The following BCR variants were observed in gnomAD, a reference collection of about 807,000 sequenced individuals.
The protein encoded by BCR is breakpoint cluster region protein.
In BCR, 58 loss-of-function variants were observed where a neutral mutation model predicts 138.6. That is an observed-to-expected ratio of 0.42 (90% CI 0.34 to 0.52). BCR has a LOEUF of 0.52. Among genes scored for constraint, BCR ranks in the 20% least tolerant of loss-of-function variants. BCR has a pLI of 0.06. For missense variants in BCR, 1,599 were observed against 1,727.2 expected (o/e 0.93, Z 1.32); for synonymous variants, 786 against 730.1 (o/e 1.08, Z -1.23).
chr22:23,261,325 C>A, intron 3 of BCR, 30 bp from the exon 4 acceptor site: 1 of 1,599,060 alleles, frequency 6.3e-7, no homozygotes, highest in South Asian at 1.1e-5. Flanking sequence ...CCCCTCTCAC[C>A]TGTGCTACCT....
chr22:23,314,990 CA>C (rs1353023085), intron 22 of BCR, among the ~76,000 whole-genome samples: 1 of 152,176 alleles, frequency 6.6e-6, no homozygotes, highest in Admixed American at 6.5e-5. Flanking sequence ...TTTGGGAGGC[CA>C]AGGCAGGATA....
At chr22:23,261,175 G>A in intron 3 of BCR, 121 bp downstream of exon 3, 1 of 1,231,142 alleles carries the variant, frequency 8.1e-7, no homozygotes, top group Non-Finnish European at 1.2e-6. Context: ...GCCATCCCTG[G>A]AGTGGATACC....
chr22:23,301,868 A>C (rs953486040), intron 16 of BCR, among the ~76,000 whole-genome samples: 2 of 152,200 alleles, frequency 1.3e-5, no homozygotes, highest in Non-Finnish European at 2.9e-5. Flanking sequence ...CAAATGGCTC[A>C]TTCAGGCTCG....
chr22:23,263,481 C>T, intron 4 of BCR: 1 of 1,537,110 alleles, frequency 6.5e-7, no homozygotes, highest in Non-Finnish European at 9.0e-7. Flanking sequence ...CAGTCAGATG[C>T]CCTGGATGCA....
Position 23,314,487 on chromosome 22 carries a change from C to T in BCR, c.3564-65C>T, listed in dbSNP as rs1353636883. On this transcript the variant is annotated intron_variant, in intron 21 of 22. Coordinates refer to ENST00000305877, the MANE Select transcript of BCR (RefSeq NM_004327.4). Reference sequence around the variant, plus strand: ...CCTTCCTGAGAACTCCAGCACAGCCCAGCCCCTCTGCCTCTCTCCTGGGGG... The same window carrying T: ...CCTTCCTGAGAACTCCAGCACAGCCTAGCCCCTCTGCCTCTCTCCTGGGGG... 5.1e-5 allele frequency: 81 copies of T among 1,580,830 alleles called. No individual in the cohort carries two copies. The Middle Eastern group carries it at 1.6e-3, about 31-fold the overall frequency.
At chr22:23,218,898 G>A (rs934776413) in intron 1 of BCR, among the ~76,000 whole-genome samples, 3 of 152,226 alleles carry the variant, frequency 2.0e-5, no homozygotes, top group African/African-American at 7.2e-5. Context: ...TCATTAAGAG[G>A]CCCCTTGCCG....
Position 23,209,100 on chromosome 22 carries a change from C to T in BCR, c.1279+26861C>T, listed in dbSNP as rs192976973. On this transcript the variant is annotated intron_variant, in intron 1 of 22. Transcript: ENST00000305877. The stretch of plus-strand genomic sequence containing the variant: ...TTTAGCCGGGCGCGGTGGCTCACGC[C>T]TGTAATCCCAGCACTTTGGTAGGCC... Among the ~76,000 whole-genome samples the T allele has an allele frequency of 3.0e-3, 454 of 152,272 alleles. 2 individuals carry two copies. The highest frequency in any genetic ancestry group is 0.028 in the South Asian group (136 of 4,826).
chr22:23,300,853 CA>C (rs2073895281), intron 16 of BCR, among the ~76,000 whole-genome samples: 1 of 152,158 alleles, frequency 6.6e-6, no homozygotes, highest in African/African-American at 2.4e-5. Flanking sequence ...AAAACATTGG[CA>C]ACAACAAAAA....
chr22:23,274,341 T>C (rs964951922), intron 8 of BCR, among the ~76,000 whole-genome samples: 7 of 152,232 alleles, frequency 4.6e-5, no homozygotes, highest in African/African-American at 7.2e-5. Context: ...ACATCATCGA[T>C]GAGCAGGCAT....
chr22:23,279,133 A>G (rs945048130), intron 8 of BCR, among the ~76,000 whole-genome samples: 4 of 152,220 alleles, frequency 2.6e-5, no homozygotes, highest in Non-Finnish European at 5.9e-5. Flanking sequence ...CTTGGCACCC[A>G]GAAAGAGCTC....
At chr22:23,263,062 A>G in intron 4 of BCR, 1 of 722,172 alleles carries the variant, frequency 1.4e-6, no homozygotes, top group Non-Finnish European at 2.2e-6. Context: ...AGGCGGCGGG[A>G]GGGCGCCAGG....
Position 23,283,959 on chromosome 22 carries a change from C to T in BCR, c.2116-18C>T, listed in dbSNP as rs1354676792. ...CACCCCAGGCTGGCCCTGACCCCAGCCTTCCCTGTGCCTGCAGCACCGGCA... is the reference window on the plus strand; with the variant it reads ...CACCCCAGGCTGGCCCTGACCCCAGTCTTCCCTGTGCCTGCAGCACCGGCA... On this transcript the variant is annotated intron_variant, in intron 8 of 22. Transcript: ENST00000305877. 2 of 1,579,484 alleles carry T rather than the reference C, an allele frequency of 1.3e-6. No individual in the cohort carries two copies. The highest frequency in any genetic ancestry group is 8.6e-7 in the Non-Finnish European group (1 of 1,162,290).
chr22:23,249,130 T>G (rs548718880), intron 1 of BCR, among the ~76,000 whole-genome samples: 1 of 151,978 alleles, frequency 6.6e-6, no homozygotes, highest in South Asian at 2.1e-4. Flanking sequence ...AAAAATGTTT[T>G]TAAAAATTAG....
intron 1 of BCR, among the ~76,000 whole-genome samples, chr22:23,193,007 CAG>C (rs909399998): frequency 1.3e-5 from 2 of 151,972 alleles, no homozygotes; most frequent in African/African-American, 4.8e-5. Context: ...GCAGCAGCCA[CAG>C]AGAGAGAGAG....
chr22:23,273,967 A>G (rs1403508520), intron 8 of BCR, among the ~76,000 whole-genome samples, 193 bp downstream of exon 8: 1 of 152,110 alleles, frequency 6.6e-6, no homozygotes, highest in African/African-American at 2.4e-5. Flanking sequence ...CCCTGCAAGC[A>G]CCATGCCCTC....
chr22:23,271,305 G>C (rs549845854), intron 5 of BCR, among the ~76,000 whole-genome samples: 8 of 152,366 alleles, frequency 5.3e-5, no homozygotes, highest in Admixed American at 5.2e-4. Flanking sequence ...TGTCAACAGT[G>C]ACCTGGCTGA....
intron 1 of BCR, among the ~76,000 whole-genome samples, chr22:23,182,871 C>G (rs2072289789): frequency 6.6e-6 from 1 of 152,156 alleles, no homozygotes. Context: ...AGTGGGCCAC[C>G]GAAAATCAAC....
chr22:23,263,571 A>G (rs1213787901), intron 4 of BCR: 1 of 1,565,170 alleles, frequency 6.4e-7, no homozygotes, highest in Non-Finnish European at 8.8e-7. Flanking sequence ...TGCCAGCTTG[A>G]ACCGTCAGCC....
At chr22:23,270,157 G>A (rs2073493679) in intron 5 of BCR, among the ~76,000 whole-genome samples, 1 of 152,152 alleles carries the variant, frequency 6.6e-6, no homozygotes, top group African/African-American at 2.4e-5. Flanking sequence ...GGTGTTGGGG[G>A]GTCAGTGCTC....
Sources: gnomAD v4.1 joint callset for allele counts (sites outside exome capture counted in the v4.1 genomes callset) on GRCh38, gnomAD v4.1.1 for gene constraint, MANE v1.5 for transcripts, NCBI Gene and HGNC (gene_info 2026-07-23, HGNC 2026-07-21) for gene names.